The following ARHGAP39 variants were observed in gnomAD, a reference collection of about 807,000 sequenced individuals.
The protein encoded by ARHGAP39 is Rho GTPase activating protein 39, also known as rho GTPase-activating protein 39.
ARHGAP39 carries 44 observed loss-of-function variants against 106.9 expected under a neutral mutation model. That is an observed-to-expected ratio of 0.41 (90% CI 0.32 to 0.53). ARHGAP39 has a LOEUF of 0.53. ARHGAP39 is among the 20% of genes least tolerant of loss of function. ARHGAP39 has a pLI of 0.21. For synonymous variants in ARHGAP39, 768 were observed against 693.2 expected (o/e 1.11, Z -1.69); for missense variants, 1,496 against 1,577.3 (o/e 0.95, Z 0.87).
upstream of ARHGAP39, among the ~76,000 whole-genome samples, chr8:144,688,051 C>T (rs1381345432): frequency 6.6e-6 from 1 of 152,212 alleles, no homozygotes; most frequent in Non-Finnish European, 1.5e-5. Context: ...ACCCTGGTGA[C>T]CACACACTTA....
intron 7 of ARHGAP39, 42 bp downstream of exon 7, chr8:144,537,679 T>C (rs1325269416): frequency 1.3e-6 from 2 of 1,555,432 alleles, no homozygotes; most frequent in Non-Finnish European, 1.8e-6. Flanking sequence ...AGAGCAGAGC[T>C]GTGCAGACGC....
chr8:144,545,948 CA>C, intron 5 of ARHGAP39, 138 bp from the exon 6 acceptor site: 1 of 717,818 alleles, frequency 1.4e-6, no homozygotes. Flanking sequence ...CTGCTCACCA[CA>C]AAGCTGTCTG....
chr8:144,663,961 G>A (rs1738530009), intron 1 of ARHGAP39, among the ~76,000 whole-genome samples: 1 of 152,188 alleles, frequency 6.6e-6, no homozygotes, highest in African/African-American at 2.4e-5. Context: ...GAGGCCAGGA[G>A]TTCAAGACCA....
chr8:144,582,899 T>C (rs1248188303), intron 2 of ARHGAP39, among the ~76,000 whole-genome samples: 1 of 152,204 alleles, frequency 6.6e-6, no homozygotes, highest in Non-Finnish European at 1.5e-5. Flanking sequence ...GGGGGTCCTG[T>C]TGTTTTGCTC....
chr8:144,613,894 T>A (rs1820561870), intron 1 of ARHGAP39, among the ~76,000 whole-genome samples: 1 of 152,222 alleles, frequency 6.6e-6, no homozygotes, highest in Non-Finnish European at 1.5e-5. Context: ...ATCACATAAT[T>A]GTTAGGCCTC....
chr8:144,583,444 G>T (rs905367640), intron 2 of ARHGAP39, among the ~76,000 whole-genome samples: 5 of 152,202 alleles, frequency 3.3e-5, no homozygotes, highest in Non-Finnish European at 4.4e-5. Context: ...CACAGACGGG[G>T]TCTGCCCACG....
chr8:144,603,242 C>T (rs1481230532), intron 2 of ARHGAP39, among the ~76,000 whole-genome samples: 10 of 103,678 alleles, frequency 9.6e-5, no homozygotes, highest in African/African-American at 3.1e-4. Context: ...TGGAGGCGTG[C>T]GTGTGTGCTC....
intron 2 of ARHGAP39, among the ~76,000 whole-genome samples, chr8:144,600,937 G>T (rs1363769240): frequency 2.0e-5 from 3 of 148,344 alleles, no homozygotes; most frequent in Non-Finnish European, 4.5e-5. Flanking sequence ...TGTGTGTGTG[G>T]AGGCATGTGT....
chr8:144,561,964 T>TCCAGTGGTTTCCATCGGACC (rs1564848965), intron 3 of ARHGAP39, among the ~76,000 whole-genome samples: 8 of 148,004 alleles, frequency 5.4e-5, no homozygotes, highest in Non-Finnish European at 8.9e-5. Context: ...TCCATCGGAC[T>TCCAGTGGTTTCCATCGGACC]CCAGTGGTTT....
chr8:144,680,930 A>G (rs1226384207), intron 1 of ARHGAP39, among the ~76,000 whole-genome samples: 1 of 152,226 alleles, frequency 6.6e-6, no homozygotes, highest in African/African-American at 2.4e-5. Flanking sequence ...TCACCATCAC[A>G]TTTCAGGGGG....
At chr8:144,534,945 G>A (rs1474795056) in intron 7 of ARHGAP39, among the ~76,000 whole-genome samples, 1 of 152,238 alleles carries the variant, frequency 6.6e-6, no homozygotes, top group Non-Finnish European at 1.5e-5. Context: ...TTCCCAGGCT[G>A]GGTCTGGAAG....
chr8:144,532,874 G>A (rs1274480424), intron 9 of ARHGAP39, among the ~76,000 whole-genome samples: 3 of 152,212 alleles, frequency 2.0e-5, no homozygotes, highest in Admixed American at 2.0e-4. Flanking sequence ...TGGACCCCTG[G>A]TGGCCGTCTC....
intron 1 of ARHGAP39, among the ~76,000 whole-genome samples, chr8:144,660,759 C>T (rs562088536): frequency 1.4e-4 from 22 of 152,246 alleles, no homozygotes; most frequent in African/African-American, 5.1e-4. Context: ...GCAGGCAGAT[C>T]ACTTGAGGTC....
chr8:144,551,910 G>A (rs147653535), intron 4 of ARHGAP39, among the ~76,000 whole-genome samples: 2 of 152,202 alleles, frequency 1.3e-5, no homozygotes, highest in African/African-American at 2.4e-5. Flanking sequence ...AGCCCAGCTC[G>A]TTCCCATCTC....
Position 144,647,026 on chromosome 8 carries a change from CG to C in ARHGAP39, c.-82+38659del, listed in dbSNP as rs1821461072. ...GCTTTATAGCCAGGCTGGAGTACAA[CG>C]ACACCATCTCGGCTCACTGCAAGCT... On this transcript the variant is annotated intron_variant, in intron 1 of 11. Coordinates refer to ENST00000377307, the MANE Select transcript of ARHGAP39 (RefSeq NM_025251.3). The surrounding 1 kb of genome is among the most constrained non-coding windows in gnomAD (Gnocchi z 4.8). Among the ~76,000 whole-genome samples the C allele has an allele frequency of 6.9e-6, 1 of 144,888 alleles. No individual in the cohort carries two copies. The highest frequency in any genetic ancestry group is 1.5e-5 in the Non-Finnish European group (1 of 67,192).
At chr8:144,589,863 A>T (rs1007154866) in intron 2 of ARHGAP39, among the ~76,000 whole-genome samples, 1 of 152,196 alleles carries the variant, frequency 6.6e-6, no homozygotes, top group Admixed American at 6.5e-5. Context: ...AAGCCTTAGG[A>T]CAAGGGCTGT....
chr8:144,687,002 A>AGCACTTC (rs1822614159), upstream of ARHGAP39, among the ~76,000 whole-genome samples: 3 of 79,172 alleles, frequency 3.8e-5, no homozygotes, highest in African/African-American at 7.5e-5. Context: ...ACTGGCGGCG[A>AGCACTTC]CCATTTCCCA....
intron 2 of ARHGAP39, among the ~76,000 whole-genome samples, chr8:144,583,789 A>G (rs961160619): frequency 6.6e-6 from 1 of 152,154 alleles, no homozygotes; most frequent in Non-Finnish European, 1.5e-5. Flanking sequence ...CAAGATTACT[A>G]CTGTCATTGG....
chr8:144,598,701 A>G (rs1819724589), intron 2 of ARHGAP39, among the ~76,000 whole-genome samples: 1 of 152,244 alleles, frequency 6.6e-6, no homozygotes, highest in South Asian at 2.1e-4. Flanking sequence ...GCCCATGAGC[A>G]GGTGCCACGT....
Sources: allele counts gnomAD v4.1 joint callset (sites outside exome capture counted in the v4.1 genomes callset), GRCh38; gene constraint gnomAD v4.1.1; non-coding constraint Gnocchi (gnomAD v3.1); transcripts MANE v1.5; gene names NCBI Gene and HGNC (gene_info 2026-07-23, HGNC 2026-07-21).